WDR37: variants seen among roughly 807,000 people sequenced by gnomAD.
The protein encoded by WDR37 is WD repeat-containing protein 37.
Under a neutral mutation model 62.9 loss-of-function variants are expected in WDR37, and 19 were observed. The observed-to-expected ratio is 0.30, with a 90% CI of 0.21 to 0.44. The LOEUF is 0.44. WDR37 is among the 20% of genes least tolerant of loss of function. The pLI is 1.00. For synonymous variants in WDR37, 250 were observed against 260.9 expected, an observed-to-expected ratio of 0.96 and a Z score of 0.40; for missense variants, 474 against 657.6, an observed-to-expected ratio of 0.72 and a Z score of 3.05.
At chr10:1,067,377 G>A (rs530315473) in intron 1 of WDR37, among the ~76,000 whole-genome samples, 2 of 152,174 alleles carry the variant, frequency 1.3e-5, no homozygotes, top group South Asian at 2.1e-4. Context: ...TTGGCCCCTA[G>A]GGATTCATGA....
At position 1,131,683 on chromosome 10, in the gene WDR37, G is replaced by GGTGTGTGTGTGTGTGTGT. The variant is rs58548853; in HGVS notation, c.*2351_*2368dup. Reference sequence around the variant, plus strand: ...AGGAGTCACAGACAAGATCGGGGATGGTGTGTGTGTGTGTGTGTGTGTGTG... The same window carrying GGTGTGTGTGTGTGTGTGT: ...AGGAGTCACAGACAAGATCGGGGATGGTGTGTGTGTGTGTGTGTGTGTGTGTGTGTGTGTGTGTGTGTG... On this transcript the variant is annotated 3_prime_UTR_variant, in exon 14 of 14. Transcript: ENST00000263150. 7.5e-6 allele frequency: 1 copy of GGTGTGTGTGTGTGTGTGT among 133,748 alleles called. No homozygotes were observed. Among genetic ancestry groups the GGTGTGTGTGTGTGTGTGT allele is most frequent in the African/African-American group, 2.5e-5 (1 of 39,900 alleles). The allele number at this position is 133,748 out of a possible 1,614,324, so 8.3% of individuals were successfully genotyped here.
At chr10:1,128,954 C>G (rs935521759) in intron 13 of WDR37, among the ~76,000 whole-genome samples, 1 of 148,732 alleles carries the variant, frequency 6.7e-6, no homozygotes, top group Non-Finnish European at 1.5e-5. Context: ...CCGTGCTCGG[C>G]GGTGGTTGGT....
chr10:1,124,497 TA>T, intron 12 of WDR37, 145 bp downstream of exon 12: 2 of 1,232,088 alleles, frequency 1.6e-6, no homozygotes, highest in Non-Finnish European at 2.2e-6. Flanking sequence ...GCAGTTTCAG[TA>T]TTCCATGAAA....
intron 1 of WDR37, 117 bp from the exon 2 acceptor site, chr10:1,071,995 ATAGT>A (rs1364312641): frequency 4.5e-6 from 3 of 668,096 alleles, no homozygotes; most frequent in Admixed American, 3.6e-5. Flanking sequence ...TCCAAATTAT[ATAGT>A]TAATGTTAAC....
intron 8 of WDR37, among the ~76,000 whole-genome samples, chr10:1,095,809 G>A (rs3816735): frequency 0.56 from 85,511 of 152,002 alleles, 24,778 homozygotes; most frequent in African/African-American, 0.7. Flanking sequence ...TTTCCCGAAC[G>A]TCTCAGAGTT....
intron 9 of WDR37, among the ~76,000 whole-genome samples, chr10:1,100,773 G>A (rs1834767125): frequency 6.6e-6 from 1 of 152,160 alleles, no homozygotes; most frequent in African/African-American, 2.4e-5. Flanking sequence ...GCTCTTTGCT[G>A]TGCTCCCTCC....
chr10:1,125,147 G>A (rs1835699369), intron 13 of WDR37, 123 bp downstream of exon 13: 1 of 1,426,068 alleles, frequency 7.0e-7, no homozygotes, highest in Non-Finnish European at 9.3e-7. Context: ...TGCTTGAGCT[G>A]TATTTAGAGT....
At chr10:1,072,066 T>C (rs918746607) in intron 1 of WDR37, 50 bp from the exon 2 acceptor site, 1 of 1,459,578 alleles carries the variant, frequency 6.9e-7, no homozygotes, top group African/African-American at 1.4e-5. Flanking sequence ...TGTTTTTCTT[T>C]TGTTTCAACT....
chr10:1,115,014 C>A (rs1369397820), intron 11 of WDR37, among the ~76,000 whole-genome samples: 1 of 151,694 alleles, frequency 6.6e-6, no homozygotes, highest in African/African-American at 2.4e-5. Context: ...TCCTCCCCTC[C>A]CCATCTCCCT....
At position 1,103,606 on chromosome 10, in the gene WDR37, C is replaced by A; in HGVS notation, c.731C>A (p.Ser244Tyr). The change falls in exon 10 of 14, where the codon TCT becomes TAT. Residue 244 changes from serine (S) to tyrosine (Y), a missense_variant. By Grantham distance (144) the Ser-to-Tyr change is moderately radical (BLOSUM62 -2). Transcript: ENST00000263150. This position sits in a 1 kb window ranked among gnomAD's most constrained non-coding sequence, Gnocchi z 6.3. Reference sequence around the variant, plus strand: ...TGGCCTTCCCTTTGGCAGCAGATATCTGGGGAAGATGAAGTAGAGTGCTCT... The same window carrying A: ...TGGCCTTCCCTTTGGCAGCAGATATATGGGGAAGATGAAGTAGAGTGCTCT... ...TPQPVADTSISGEDEVECSDK... is the reference protein window; with the variant it reads ...TPQPVADTSIYGEDEVECSDK... The A allele has an allele frequency of 6.2e-7, 1 of 1,613,454 alleles. No individual in the cohort carries two copies. Among genetic ancestry groups the A allele is most frequent in the Non-Finnish European group, 8.5e-7 (1 of 1,179,472 alleles).
chr10:1,106,575 G>C (rs957287748), intron 11 of WDR37, among the ~76,000 whole-genome samples: 1 of 152,116 alleles, frequency 6.6e-6, no homozygotes, highest in African/African-American at 2.4e-5. Context: ...GGAGTGCAGT[G>C]GTATGATCTC....
chr10:1,069,910 A>T (rs1763381393), intron 1 of WDR37, among the ~76,000 whole-genome samples: 1 of 152,166 alleles, frequency 6.6e-6, no homozygotes, highest in Admixed American at 6.5e-5. Context: ...AGTTATTTCA[A>T]AATACAAAGT....
intron 1 of WDR37, among the ~76,000 whole-genome samples, chr10:1,059,476 A>G (rs1054888173): frequency 6.6e-6 from 1 of 151,544 alleles, no homozygotes; most frequent in Non-Finnish European, 1.5e-5. Context: ...TAATTTCTAT[A>G]GCTACAAATT....
At chr10:1,122,909 C>G (rs767407393) in intron 11 of WDR37, among the ~76,000 whole-genome samples, 2 of 152,174 alleles carry the variant, frequency 1.3e-5, no homozygotes, top group Non-Finnish European at 2.9e-5. Flanking sequence ...ATGTTTAATC[C>G]GATTTTACCA....
intron 11 of WDR37, among the ~76,000 whole-genome samples, chr10:1,118,375 C>T (rs1420457263): frequency 2.0e-4 from 28 of 142,286 alleles, no homozygotes; most frequent in Non-Finnish European, 3.7e-4. Context: ...ATCTGAGCCA[C>T]GTGCACTCAG....
intron 5 of WDR37, among the ~76,000 whole-genome samples, chr10:1,082,223 A>G (rs1015707399): frequency 1.3e-5 from 2 of 152,242 alleles, no homozygotes; most frequent in African/African-American, 4.8e-5. Flanking sequence ...GAGAAAGGCT[A>G]CAGTCTAGCT....
chr10:1,076,045 G>T lies in WDR37; in HGVS notation c.139-1862G>T, dbSNP rs1401755387. 2.6e-5 allele frequency among the ~76,000 whole-genome samples: 4 copies of T among 152,178 alleles called. No individual in the cohort carries two copies. In the South Asian group the frequency reaches 6.2e-4, roughly 24 times the overall value. On this transcript the variant is annotated intron_variant, in intron 2 of 13. Transcript: ENST00000263150. ...TCTGCCCACCTTGGCCTCCCAAAGT[G>T]CTGGGATTACAGGCGTGAGCCACTG...
At chr10:1,125,194 C>A (rs768442748) in intron 13 of WDR37, 170 bp downstream of exon 13, 2 of 787,698 alleles carry the variant, frequency 2.5e-6, no homozygotes, top group Non-Finnish European at 3.1e-6. Context: ...GAGTTGTACA[C>A]TCAAGTTATT....
Position 1,104,171 on chromosome 10 carries a change from A to G in WDR37, c.961+335A>G, listed in dbSNP as rs569210892. On this transcript the variant is annotated intron_variant, in intron 10 of 13. Coordinates refer to ENST00000263150, the MANE Select transcript of WDR37 (RefSeq NM_014023.4). ...GGCCTCATGGTTTCCCAGGTCAGTA[A>G]TTCTGGGCCCGTGGTAGCTGCTCTT... 6.6e-5 allele frequency among the ~76,000 whole-genome samples: 10 copies of G among 152,314 alleles called. No homozygotes were observed. The East Asian group carries it at 1.9e-3, about 30-fold the overall frequency.
Sources: allele counts gnomAD v4.1 joint callset (sites outside exome capture counted in the v4.1 genomes callset), GRCh38; gene constraint gnomAD v4.1.1; non-coding constraint Gnocchi (gnomAD v3.1); transcripts MANE v1.5; gene names NCBI Gene and HGNC (gene_info 2026-07-23, HGNC 2026-07-21).